Variants in TNRC6B observed in about 807,000 individuals in gnomAD.
TNRC6B encodes the protein trinucleotide repeat-containing gene 6B protein.
A neutral mutation model predicts 203.6 loss-of-function variants in TNRC6B; 52 were observed. That is an observed-to-expected ratio of 0.26 (90% CI 0.20 to 0.32). TNRC6B has a LOEUF of 0.32. TNRC6B is among the 10% of genes least tolerant of loss of function. The pLI is 1.00. For synonymous variants in TNRC6B, 838 were observed against 845.7 expected (o/e 0.99, Z 0.16); for missense variants, 1,923 against 2,286.2 (o/e 0.84, Z 3.24).
chr22:40,159,600 C>A (rs949372318), intron 4 of TNRC6B, among the ~76,000 whole-genome samples: 58 of 151,648 alleles, frequency 3.8e-4, no homozygotes, highest in Middle Eastern at 3.4e-3. Flanking sequence ...GATTGTGCCA[C>A]TGCACTGCAG....
intron 1 of TNRC6B, among the ~76,000 whole-genome samples, chr22:40,196,514 C>A (rs2069339184): frequency 6.6e-6 from 1 of 151,904 alleles, no homozygotes; most frequent in Non-Finnish European, 1.5e-5. Context: ...CTTGTTGGCA[C>A]CTTTATTTGG....
chr22:40,291,250 G>T (rs191664002), intron 12 of TNRC6B, among the ~76,000 whole-genome samples: 2 of 152,164 alleles, frequency 1.3e-5, no homozygotes, highest in East Asian at 3.9e-4. Context: ...GCCGGGCATG[G>T]TGGTGCATGC....
chr22:40,160,547 CATTCTT>C (rs1203936060), intron 4 of TNRC6B, among the ~76,000 whole-genome samples: 4 of 150,488 alleles, frequency 2.7e-5, no homozygotes, highest in African/African-American at 7.4e-5. Context: ...TTTTATTAAA[CATTCTT>C]ATTCTTATAT....
chr22:40,073,875 T>A (rs1363782942), intron 1 of TNRC6B, among the ~76,000 whole-genome samples: 1 of 152,040 alleles, frequency 6.6e-6, no homozygotes, highest in Admixed American at 6.6e-5. Flanking sequence ...CTGGCCAACA[T>A]AGCGAAACCC....
chr22:40,278,404 A>G (rs2070680056), intron 9 of TNRC6B, among the ~76,000 whole-genome samples: 1 of 151,840 alleles, frequency 6.6e-6, no homozygotes, highest in Non-Finnish European at 1.5e-5. Context: ...CTAAAAATAC[A>G]AAAATTAGCT....
At chr22:40,214,260 C>G (rs2069603319) in intron 1 of TNRC6B, among the ~76,000 whole-genome samples, 1 of 151,546 alleles carries the variant, frequency 6.6e-6, no homozygotes. Context: ...GAGGGAGACT[C>G]CATCTCAAAA....
chr22:40,103,423 G>A (rs5995813), intron 1 of TNRC6B, among the ~76,000 whole-genome samples: 1,790 of 152,130 alleles, frequency 0.012, 35 homozygotes, highest in African/African-American at 0.041. Flanking sequence ...TGAATCATAC[G>A]GTACGTAGTC....
At chr22:40,315,751 T>C (rs1467787451) in intron 20 of TNRC6B, among the ~76,000 whole-genome samples, 191 bp from the exon 21 acceptor site, 1 of 151,902 alleles carries the variant, frequency 6.6e-6, no homozygotes, top group Non-Finnish European at 1.5e-5. Flanking sequence ...AAATACTGTC[T>C]TGCAAATCAG....
At chr22:40,298,231 A>G (rs956960765) in intron 12 of TNRC6B, among the ~76,000 whole-genome samples, 2 of 152,252 alleles carry the variant, frequency 1.3e-5, no homozygotes, top group Admixed American at 1.3e-4. Context: ...TTTAAATATT[A>G]TAGATTTTAA....
chr22:40,145,159 T>G (rs1223732913), intron 3 of TNRC6B, among the ~76,000 whole-genome samples: 1 of 151,436 alleles, frequency 6.6e-6, no homozygotes, highest in African/African-American at 2.4e-5. Context: ...GGTGGGAGAA[T>G]CACTTGAATT....
upstream of TNRC6B, among the ~76,000 whole-genome samples, chr22:40,174,287 C>T (rs765810371): frequency 2.0e-5 from 3 of 151,556 alleles, no homozygotes; most frequent in Non-Finnish European, 4.4e-5. Context: ...TCAAGTGATT[C>T]TTGAGCCTCA....
chr22:40,285,882 A>G lies in TNRC6B; in HGVS notation c.3708+112A>G, dbSNP rs2070773365. On this transcript the variant is annotated intron_variant, in intron 12 of 22. Coordinates refer to ENST00000454349, the MANE Select transcript of TNRC6B (RefSeq NM_001162501.2). ...AGAATGATAGTAAGTAGCATAAAATATGAAAAAGCCATCTTTTCTTGACCT... is the reference window on the plus strand; with the variant it reads ...AGAATGATAGTAAGTAGCATAAAATGTGAAAAAGCCATCTTTTCTTGACCT... 2.2e-6 allele frequency: 3 copies of G among 1,361,186 alleles called. No homozygotes were observed. The South Asian group carries it at 4.5e-5, about 20-fold the overall frequency. 84.3% of individuals were successfully genotyped at this position (1,361,186 alleles called of 1,614,324 possible). A position where few individuals can be genotyped will look rare whatever the true frequency, so the allele number is the denominator to read the frequency against.
intron 2 of TNRC6B, among the ~76,000 whole-genome samples, chr22:40,118,953 A>C (rs2068417188): frequency 1.3e-5 from 2 of 152,222 alleles, no homozygotes; most frequent in Non-Finnish European, 2.9e-5. Flanking sequence ...GATAGCAACA[A>C]AAACATGGAA....
chr22:40,106,703 G>A (rs2068286525), intron 1 of TNRC6B: 12 of 759,046 alleles, frequency 1.6e-5, no homozygotes, highest in East Asian at 2.4e-5. Flanking sequence ...CTTCACAAAC[G>A]TTCCATTGAA....
intron 1 of TNRC6B, among the ~76,000 whole-genome samples, chr22:40,235,192 C>A (rs1485478699): frequency 6.6e-6 from 1 of 152,134 alleles, no homozygotes; most frequent in Non-Finnish European, 1.5e-5. Flanking sequence ...AATGTTCATA[C>A]AAGTCACATG....
chr22:40,274,067 T>TC (rs1259710130), intron 7 of TNRC6B, among the ~76,000 whole-genome samples: 1 of 152,216 alleles, frequency 6.6e-6, no homozygotes, highest in African/African-American at 2.4e-5. Context: ...CGTCTTGCTT[T>TC]CCCATGACCT....
At chr22:40,051,393 T>A (rs572365437) in intron 1 of TNRC6B, among the ~76,000 whole-genome samples, 1 of 152,358 alleles carries the variant, frequency 6.6e-6, no homozygotes, top group African/African-American at 2.4e-5. Flanking sequence ...TTCTTCCGTA[T>A]TTCAACCTGC....
chr22:40,168,577 A>T (rs1428693004), intron 4 of TNRC6B, among the ~76,000 whole-genome samples: 1 of 152,240 alleles, frequency 6.6e-6, no homozygotes, highest in Non-Finnish European at 1.5e-5. Context: ...AAATGTTAAC[A>T]TTCTAATTTG....
Position 40,316,649 on chromosome 22 carries a change from A to G in TNRC6B, c.4974+637A>G, listed in dbSNP as rs150195687. On this transcript the variant is annotated intron_variant, in intron 21 of 22. Transcript: ENST00000454349. ...TCTCAAAAAGGAGAGAGAGGGAAAT[A>G]GATGTGGGAGGCTGGCAGATATGAA... Among the ~76,000 whole-genome samples the G allele has an allele frequency of 2.5e-4, 38 of 152,288 alleles. No homozygotes were observed. In the East Asian group the frequency reaches 6.8e-3, roughly 27 times the overall value.
Sources: gnomAD v4.1 joint callset for allele counts (sites outside exome capture counted in the v4.1 genomes callset) on GRCh38, gnomAD v4.1.1 for gene constraint, MANE v1.5 for transcripts, NCBI Gene and HGNC (gene_info 2026-07-23, HGNC 2026-07-21) for gene names.